Variants in ERMP1 observed in about 807,000 individuals in gnomAD.
ERMP1 encodes Felix-ina.
ERMP1 carries 86 observed loss-of-function variants against 92.0 expected under a neutral mutation model. That is an observed-to-expected ratio of 0.93 (90% CI 0.79 to 1.12). ERMP1 has a LOEUF of 1.12. Ranked by LOEUF, ERMP1 falls within the 50% of genes most tolerant of loss-of-function variation. The pLI, the probability that ERMP1 is intolerant of heterozygous loss-of-function variation, is 0.00. For synonymous variants in ERMP1, 530 were observed against 412.8 expected (o/e 1.28, Z -3.44); for missense variants, 1,342 against 1,116.3 (o/e 1.20, Z -2.88).
At chr9:5,843,247 C>T (rs181131904) in intron 6 of ERMP1, among the ~76,000 whole-genome samples, 29 of 152,266 alleles carry the variant, frequency 1.9e-4, no homozygotes, top group African/African-American at 5.1e-4. Flanking sequence ...CATAGCTCTG[C>T]GGAATTTGGG....
At chr9:5,846,827 T>G (rs541665286) in intron 6 of ERMP1, among the ~76,000 whole-genome samples, 10 of 152,324 alleles carry the variant, frequency 6.6e-5, no homozygotes, top group African/African-American at 2.4e-4. Flanking sequence ...CCCGTTCTAT[T>G]TGAGTTATAT....
At chr9:5,836,797 C>T (rs1830100384), upstream of ERMP1, among the ~76,000 whole-genome samples, 1 of 152,196 alleles carries the variant, frequency 6.6e-6, no homozygotes, top group Non-Finnish European at 1.5e-5. Flanking sequence ...AACCTGGGGG[C>T]TGACAGTGCT....
intron 13 of ERMP1, among the ~76,000 whole-genome samples, chr9:5,795,279 A>C (rs1828371529): frequency 6.6e-6 from 1 of 152,230 alleles, no homozygotes; most frequent in African/African-American, 2.4e-5. Flanking sequence ...AAAAACGTAT[A>C]GCTAACAACA....
At chr9:5,834,994 TGTGTGTG>T, upstream of ERMP1, among the ~76,000 whole-genome samples, 1 of 150,070 alleles carries the variant, frequency 6.7e-6, no homozygotes, top group Non-Finnish European at 1.5e-5. Context: ...TGTGTGTGTG[TGTGTGTG>T]TGTGTGTGTG....
chr9:5,813,068 A>G, intron 4 of ERMP1, 33 bp from the exon 5 acceptor site: 2 of 1,589,288 alleles, frequency 1.3e-6, no homozygotes, highest in Non-Finnish European at 1.7e-6. Context: ...AATAGAAGGT[A>G]TTCCGGCAAT....
At chr9:5,824,055 T>G in intron 3 of ERMP1, 54 bp from the exon 4 acceptor site, 1 of 1,458,864 alleles carries the variant, frequency 6.9e-7, no homozygotes, top group Non-Finnish European at 9.6e-7. Context: ...AAATTATCAG[T>G]CTTGATTTTG....
intron 13 of ERMP1, among the ~76,000 whole-genome samples, chr9:5,789,999 G>A (rs1586762190): frequency 6.6e-6 from 1 of 151,944 alleles, no homozygotes; most frequent in South Asian, 2.1e-4. Flanking sequence ...TTATACTGAG[G>A]ATTTTAATAT....
chr9:5,848,356 A>G (rs1830264584), intron 6 of ERMP1, among the ~76,000 whole-genome samples: 1 of 152,160 alleles, frequency 6.6e-6, no homozygotes, highest in Non-Finnish European at 1.5e-5. Context: ...GCAGCTGGAA[A>G]AAGCAGGGAC....
At chr9:5,798,621 A>G (rs1052795573) in intron 12 of ERMP1, among the ~76,000 whole-genome samples, 185 bp downstream of exon 12, 1 of 152,116 alleles carries the variant, frequency 6.6e-6, no homozygotes, top group Admixed American at 6.6e-5. Context: ...TTGAAAAAAC[A>G]AAACTACTCT....
At chr9:5,852,415 C>A (rs932665305) in intron 6 of ERMP1, among the ~76,000 whole-genome samples, 2 of 151,818 alleles carry the variant, frequency 1.3e-5, no homozygotes, top group Non-Finnish European at 2.9e-5. Flanking sequence ...GGCATTGCCA[C>A]CAGCTAATTT....
chr9:5,799,282 T>G (rs1462215761), intron 11 of ERMP1, among the ~76,000 whole-genome samples: 1 of 152,232 alleles, frequency 6.6e-6, no homozygotes, highest in African/African-American at 2.4e-5. Context: ...AAGACGTTAA[T>G]GTTAGAGCTG....
At chr9:5,793,186 T>C (rs1828275801) in intron 13 of ERMP1, among the ~76,000 whole-genome samples, 1 of 152,078 alleles carries the variant, frequency 6.6e-6, no homozygotes, top group Admixed American at 6.6e-5. Flanking sequence ...TCATAATCCC[T>C]GTGATGCAGA....
intron 6 of ERMP1, chr9:5,856,366 C>A: frequency 5.2e-6 from 1 of 193,744 alleles, no homozygotes; most frequent in South Asian, 1.0e-4. Flanking sequence ...TGCTGGAGGC[C>A]AAACTTCTGG....
chr9:5,787,037 G>T lies in ERMP1; in HGVS notation c.*107C>A. On this transcript the variant is annotated 3_prime_UTR_variant, in exon 15 of 15. Coordinates refer to ENST00000339450, the MANE Select transcript of ERMP1 (RefSeq NM_024896.3). ...AACCCAGAAAGCTCTTTGAACATAT[G>T]ATCATTAAAATTCATTGACTTACGT... 1 of 1,155,724 alleles carries T rather than the reference G, an allele frequency of 8.7e-7. No homozygotes were observed. The highest frequency in any genetic ancestry group is 1.5e-5 in the African/African-American group (1 of 64,606). 71.6% of individuals were successfully genotyped at this position (1,155,724 alleles called of 1,614,324 possible).
chr9:5,827,585 G>A (rs930800722), intron 2 of ERMP1, among the ~76,000 whole-genome samples: 1 of 152,190 alleles, frequency 6.6e-6, no homozygotes, highest in Non-Finnish European at 1.5e-5. Flanking sequence ...TCTAGGGCCA[G>A]GCGCAGTGGC....
intron 6 of ERMP1, among the ~76,000 whole-genome samples, chr9:5,851,700 A>C (rs1249677144): frequency 2.0e-5 from 3 of 152,206 alleles, no homozygotes; most frequent in Non-Finnish European, 4.4e-5. Flanking sequence ...CTGGAGCTAC[A>C]AAACCAAGGC....
intron 6 of ERMP1, among the ~76,000 whole-genome samples, chr9:5,857,398 CACATCCA>C (rs1830391123): frequency 6.6e-6 from 1 of 152,166 alleles, no homozygotes; most frequent in Admixed American, 6.5e-5. Flanking sequence ...TGGGCACGTG[CACATCCA>C]GCAACTCAAA....
chr9:5,817,934 A>G (rs1829382391), intron 4 of ERMP1, among the ~76,000 whole-genome samples: 1 of 152,262 alleles, frequency 6.6e-6, no homozygotes, highest in African/African-American at 2.4e-5. Context: ...ATGAGGCCTG[A>G]AAACTGACTG....
chr9:5,817,830 T>C (rs1339360308), intron 4 of ERMP1, among the ~76,000 whole-genome samples: 1 of 151,174 alleles, frequency 6.6e-6, no homozygotes, highest in African/African-American at 2.4e-5. Context: ...CTTCAATCTC[T>C]AGTTACGGCA....
Sources: allele counts gnomAD v4.1 joint callset (sites outside exome capture counted in the v4.1 genomes callset), GRCh38; gene constraint gnomAD v4.1.1; transcripts MANE v1.5; gene names NCBI Gene and HGNC (gene_info 2026-07-23, HGNC 2026-07-21).